Variants in NDRG2 observed in about 807,000 individuals in gnomAD.
NDRG2 encodes the protein protein NDRG2.
NDRG2 carries 34 observed loss-of-function variants against 58.2 expected under a neutral mutation model. The observed-to-expected ratio is 0.58, with a 90% CI of 0.44 to 0.78. NDRG2 has a LOEUF of 0.78. Among genes scored for constraint, NDRG2 ranks in the 30% least tolerant of loss-of-function variants. NDRG2 has a pLI of 0.00. For missense variants in NDRG2, 434 were observed against 471.2 expected (o/e 0.92, Z 0.73); for synonymous variants, 187 against 175.9 (o/e 1.06, Z -0.50).
Position 21,070,296 on chromosome 14 carries a change from C to T in NDRG2, c.24+532G>A. 7.6e-7 allele frequency: 1 copy of T among 1,316,336 alleles called. No homozygotes were observed. Among genetic ancestry groups the T allele is most frequent in the South Asian group, 1.7e-5 (1 of 59,210 alleles). The allele number at this position is 1,316,336 out of a possible 1,614,324, so 81.5% of individuals were successfully genotyped here. A position where few individuals can be genotyped will look rare whatever the true frequency, so the allele number is the denominator to read the frequency against. On this transcript the variant is annotated intron_variant, in intron 1 of 14. Coordinates refer to the NDRG2 transcript ENST00000403829. This position sits in a 1 kb window ranked among gnomAD's most constrained non-coding sequence, Gnocchi z 4.7. ...AGCCGCCACCGCGGCCGGAGCTGTC[C>T]CTTAGCCAGACCCGGCGAGACACGA...
At chr14:21,056,750 T>C (rs977300492) in intron 1 of NDRG2, among the ~76,000 whole-genome samples, 21 of 152,320 alleles carry the variant, frequency 1.4e-4, no homozygotes, top group African/African-American at 5.1e-4. Context: ...ATCAGGAAGC[T>C]CTTAGCCCCA....
chr14:21,046,551 A>ATATATACC (rs1885161904), intron 1 of NDRG2, among the ~76,000 whole-genome samples: 1 of 141,944 alleles, frequency 7.0e-6, no homozygotes, highest in African/African-American at 2.7e-5. Flanking sequence ...AAATACATAC[A>ATATATACC]TACATACATA....
upstream of NDRG2, chr14:21,030,517 C>T: frequency 6.6e-7 from 1 of 1,510,406 alleles, no homozygotes; most frequent in Non-Finnish European, 9.0e-7. Flanking sequence ...CCACAGTCCT[C>T]CCTCCCCCTT....
intron 1 of NDRG2, among the ~76,000 whole-genome samples, chr14:21,039,224 G>A (rs1170225755): frequency 6.6e-6 from 1 of 152,158 alleles, no homozygotes; most frequent in Non-Finnish European, 1.5e-5. Context: ...GTCCTGTGGG[G>A]AAGACAGGCA....
At position 21,024,473 on chromosome 14, in the gene NDRG2, G is replaced by T. The variant is rs919076620; in HGVS notation, c.-450C>A. The T allele has an allele frequency of 1.0e-6, 1 of 968,476 alleles. No individual in the cohort carries two copies. The highest frequency in any genetic ancestry group is 1.2e-6 in the Non-Finnish European group (1 of 814,558). 60.0% of individuals were successfully genotyped at this position (968,476 alleles called of 1,614,324 possible). On this transcript the variant is annotated 5_prime_UTR_variant, in exon 1 of 16. Coordinates refer to ENST00000556147, the MANE Select transcript of NDRG2 (RefSeq NM_001320329.2). ...ATCTGCAGGGGGACTAAACGCGGGG[G>T]AATAGGGGATCCCCAAAATTTTTGA...
At position 21,020,864 on chromosome 14, in the gene NDRG2, A is replaced by G. The variant is rs1341543036; in HGVS notation, c.408-20T>C. ...GAGAAACTGTGAAAGGGAAAGAAATATACGCCTCATGGGATCTGCTGTCCA... is the reference window on the plus strand; with the variant it reads ...GAGAAACTGTGAAAGGGAAAGAAATGTACGCCTCATGGGATCTGCTGTCCA... On this transcript the variant is annotated intron_variant, in intron 6 of 15. Transcript: ENST00000556147. 1 of 1,612,662 alleles carries G rather than the reference A, an allele frequency of 6.2e-7. No individual in the cohort carries two copies. Among genetic ancestry groups the G allele is most frequent in the Admixed American group, 1.7e-5 (1 of 59,760 alleles).
chr14:21,026,378 G>A (rs983567422), upstream of NDRG2, among the ~76,000 whole-genome samples: 1 of 138,828 alleles, frequency 7.2e-6, no homozygotes, highest in Non-Finnish European at 1.5e-5. Context: ...TTGCCATTTC[G>A]GGGGCTGGGC....
chr14:21,022,238 C>T (rs889084174), intron 4 of NDRG2, 56 bp from the exon 5 acceptor site: 36 of 1,612,578 alleles, frequency 2.2e-5, no homozygotes, highest in Non-Finnish European at 2.8e-5. Context: ...TCGTGTCCCC[C>T]AGTCAGAACT....
chr14:21,065,602 A>G (rs899799126), intron 1 of NDRG2, among the ~76,000 whole-genome samples: 14 of 152,362 alleles, frequency 9.2e-5, no homozygotes, highest in African/African-American at 2.9e-4. Flanking sequence ...AACATTATTC[A>G]GAAAGACAAT....
chr14:21,022,532 G>T, intron 3 of NDRG2, 35 bp from the exon 4 acceptor site: 1 of 1,516,004 alleles, frequency 6.6e-7, no homozygotes, highest in Non-Finnish European at 9.2e-7. Flanking sequence ...GCTAGGCTCA[G>T]AGGAGACGAG....
chr14:21,021,724 C>A, intron 6 of NDRG2, 93 bp downstream of exon 6: 1 of 1,342,352 alleles, frequency 7.4e-7, no homozygotes, highest in Non-Finnish European at 1.0e-6. Context: ...GAAGCTGAAA[C>A]TGGCTCAGGA....
intron 1 of NDRG2, chr14:21,034,419 C>G: frequency 1.5e-6 from 1 of 689,268 alleles, no homozygotes; most frequent in Admixed American, 2.9e-5. Context: ...TAACCAAGTT[C>G]TCATGACCCA....
chr14:21,036,477 G>A (rs886114955), intron 1 of NDRG2, among the ~76,000 whole-genome samples: 2 of 152,244 alleles, frequency 1.3e-5, no homozygotes, highest in Non-Finnish European at 1.5e-5. Flanking sequence ...GAAAGTTTAC[G>A]AATTTGTGTT....
intron 1 of NDRG2, chr14:21,043,355 C>G (rs1439397854): frequency 6.2e-7 from 1 of 1,614,176 alleles, no homozygotes; most frequent in Admixed American, 1.7e-5. Flanking sequence ...ACTGCAGGTA[C>G]AAAGAGAAGC....
chr14:21,029,309 C>A (rs1883903108), upstream of NDRG2: 1 of 152,184 alleles, frequency 6.6e-6, no homozygotes, highest in African/African-American at 2.4e-5. Flanking sequence ...ATATTAAAAT[C>A]CTAACTCCCG....
chr14:21,037,137 C>G (rs1310851216), intron 1 of NDRG2, among the ~76,000 whole-genome samples: 1 of 152,308 alleles, frequency 6.6e-6, no homozygotes, highest in East Asian at 1.9e-4. Flanking sequence ...CCCAACACCA[C>G]TCACTTCTGC....
rs1883139479 is a variant in NDRG2, at chr14:21,025,028, C to G, written c.-1005G>C. 1 of 986,006 alleles carries G rather than the reference C, an allele frequency of 1.0e-6. No individual in the cohort carries two copies. Among genetic ancestry groups the G allele is most frequent in the Non-Finnish European group, 1.2e-6 (1 of 830,508 alleles). The allele number at this position is 986,006 out of a possible 1,614,324, so 61.1% of individuals were successfully genotyped here. A position where few individuals can be genotyped will look rare whatever the true frequency, so the allele number is the denominator to read the frequency against. ...GGCCCCTCGCCTGCCCCTCCCCCTACCTGCTGCCGCCGCGGCCGCTTCCAC... is the reference window on the plus strand; with the variant it reads ...GGCCCCTCGCCTGCCCCTCCCCCTAGCTGCTGCCGCCGCGGCCGCTTCCAC... On this transcript the variant is annotated 5_prime_UTR_variant, in exon 1 of 16. Coordinates refer to ENST00000556147, the MANE Select transcript of NDRG2 (RefSeq NM_001320329.2). This position sits in a 1 kb window ranked among gnomAD's most constrained non-coding sequence, Gnocchi z 5.1.
chr14:21,050,317 G>A (rs992876626), intron 1 of NDRG2, among the ~76,000 whole-genome samples: 1 of 152,194 alleles, frequency 6.6e-6, no homozygotes, highest in Non-Finnish European at 1.5e-5. Context: ...ATTGGCTGCT[G>A]GAAACATAAA....
chr14:21,020,653 C>T (rs1879654396), intron 7 of NDRG2, 71 bp from the exon 8 acceptor site: 2 of 1,580,348 alleles, frequency 1.3e-6, no homozygotes, highest in Non-Finnish European at 8.7e-7. Context: ...AAGCTCGACC[C>T]ACTCCTGGAC....
Sources: allele counts gnomAD v4.1 joint callset (sites outside exome capture counted in the v4.1 genomes callset), GRCh38; gene constraint gnomAD v4.1.1; non-coding constraint Gnocchi (gnomAD v3.1); transcripts MANE v1.5; gene names NCBI Gene and HGNC (gene_info 2026-07-23, HGNC 2026-07-21).